The following GPR158 variants were observed in gnomAD, a reference collection of about 807,000 sequenced individuals.
GPR158 encodes metabotropic glycine receptor.
Under a neutral mutation model 78.2 loss-of-function variants are expected in GPR158, and 30 were observed. That is an observed-to-expected ratio of 0.38 (90% CI 0.29 to 0.52). The LOEUF is 0.52. GPR158 is among the 20% of genes least tolerant of loss of function. The pLI, the probability that GPR158 is intolerant of heterozygous loss-of-function variation, is 0.83. For missense variants in GPR158, 1,463 were observed against 1,523.5 expected (o/e 0.96, Z 0.66); for synonymous variants, 581 against 591.1 (o/e 0.98, Z 0.25).
intron 2 of GPR158, among the ~76,000 whole-genome samples, chr10:25,370,789 T>A (rs12249897): frequency 0.64 from 93,482 of 146,414 alleles, 30,887 homozygotes; most frequent in Non-Finnish European, 0.72. Flanking sequence ...CCCATTGTTA[T>A]TGTGTGGGAG....
chr10:25,423,123 A>ATATATGTATATACATATACATATATATG (rs1386867992), intron 4 of GPR158, among the ~76,000 whole-genome samples: 1 of 128,944 alleles, frequency 7.8e-6, no homozygotes, highest in Admixed American at 7.6e-5. Flanking sequence ...ATATATACAT[A>ATATATGTATATACATATACATATATATG]TATATGTATA....
intron 2 of GPR158, among the ~76,000 whole-genome samples, chr10:25,224,344 A>C (rs187838976): frequency 6.6e-6 from 1 of 151,928 alleles, no homozygotes; most frequent in African/African-American, 2.4e-5. Flanking sequence ...CCATTAGTAA[A>C]TACCTTTTAA....
chr10:25,425,554 G>A (rs937052030), intron 4 of GPR158, among the ~76,000 whole-genome samples: 1 of 151,334 alleles, frequency 6.6e-6, no homozygotes, highest in African/African-American at 2.4e-5. Context: ...GTAAATATAT[G>A]GTACTTAAAC....
Position 25,599,002 on chromosome 10 carries a change from G to A in GPR158, c.3376G>A (p.Ala1126Thr). The change falls in exon 11 of 11, where the codon GCA becomes ACA. Residue 1126 changes from alanine to threonine, a missense_variant. Coordinates refer to ENST00000376351, the MANE Select transcript of GPR158 (RefSeq NM_020752.3). ...CGAAGAACTGCCCCCCAAAGCTGTA[G>A]CATCAAAAACAGAGAATGAAAATCT... ...QSEELPPKAV[A>T]SKTENENLNQ... The A allele has an allele frequency of 2.5e-6, 4 of 1,614,146 alleles. No homozygotes were observed. The highest frequency in any genetic ancestry group is 3.4e-6 in the Non-Finnish European group (4 of 1,180,028).
At chr10:25,464,145 TAAG>T (rs1426443250) in intron 4 of GPR158, among the ~76,000 whole-genome samples, 1 of 152,220 alleles carries the variant, frequency 6.6e-6, no homozygotes, top group Non-Finnish European at 1.5e-5. Flanking sequence ...AGTGAACTCC[TAAG>T]AAGATTATTC....
chr10:25,369,867 G>A (rs1216404294), intron 2 of GPR158, among the ~76,000 whole-genome samples: 2 of 151,908 alleles, frequency 1.3e-5, no homozygotes, highest in Non-Finnish European at 2.9e-5. Context: ...GTCTATTCAG[G>A]ATTCAACTTC....
chr10:25,208,415 T>C (rs975869983), intron 1 of GPR158, among the ~76,000 whole-genome samples: 7 of 152,230 alleles, frequency 4.6e-5, no homozygotes, highest in Admixed American at 1.3e-4. Flanking sequence ...AAATAAATGA[T>C]GGTATTCAAG....
intron 4 of GPR158, among the ~76,000 whole-genome samples, chr10:25,443,529 T>C (rs1323006821): frequency 1.4e-5 from 2 of 144,850 alleles, no homozygotes; most frequent in South Asian, 4.5e-4. Context: ...CACTCCAGCC[T>C]GGGCGACAGA....
intron 1 of GPR158, among the ~76,000 whole-genome samples, chr10:25,209,270 A>C (rs956096863): frequency 1.3e-5 from 2 of 152,282 alleles, no homozygotes; most frequent in Non-Finnish European, 2.9e-5. Context: ...GTACCACTCT[A>C]TCTCTTCCTC....
intron 2 of GPR158, among the ~76,000 whole-genome samples, chr10:25,291,766 AT>A (rs1411722717): frequency 6.7e-6 from 1 of 150,212 alleles, no homozygotes; most frequent in Non-Finnish European, 1.5e-5. Flanking sequence ...AGAGACTAAA[AT>A]TACAAGGGAA....
At chr10:25,420,517 C>T (rs567020528) in intron 4 of GPR158, among the ~76,000 whole-genome samples, 1 of 152,184 alleles carries the variant, frequency 6.6e-6, no homozygotes, top group South Asian at 2.1e-4. Flanking sequence ...CTTTTGGTGT[C>T]ATATGCAAGA....
chr10:25,586,425 G>A lies in GPR158; in HGVS notation c.1754-2582G>A, dbSNP rs1271099182. 2.4e-4 allele frequency among the ~76,000 whole-genome samples: 29 copies of A among 122,562 alleles called. No individual in the cohort carries two copies. In the East Asian group the frequency reaches 5.9e-3, roughly 25 times the overall value. 80.4% of individuals were successfully genotyped at this position (122,562 alleles called of 152,430 possible). ...TTTTTTTTTTTTTTTTTTTTTTGAG[G>A]CAGAGTCTCACTCTGTCACCCAGGC... On this transcript the variant is annotated intron_variant, in intron 7 of 10. Coordinates refer to ENST00000376351, the MANE Select transcript of GPR158 (RefSeq NM_020752.3).
intron 5 of GPR158, among the ~76,000 whole-genome samples, chr10:25,486,179 A>C (rs963953736): frequency 1.2e-4 from 19 of 152,170 alleles, no homozygotes; most frequent in African/African-American, 4.3e-4. Context: ...TCATATAAAC[A>C]TGATTAATTC....
intron 2 of GPR158, among the ~76,000 whole-genome samples, chr10:25,351,432 G>GT (rs1186485461): frequency 1.5e-5 from 2 of 132,648 alleles, no homozygotes; most frequent in African/African-American, 2.5e-5. Flanking sequence ...AGTTGGGGGT[G>GT]GGGGGGTGCT....
chr10:25,519,329 T>C (rs1339819838), intron 5 of GPR158, among the ~76,000 whole-genome samples: 41 of 141,396 alleles, frequency 2.9e-4, no homozygotes, highest in African/African-American at 1.1e-3. Flanking sequence ...CTTTATCCAA[T>C]TTGCCAGTCT....
intron 2 of GPR158, among the ~76,000 whole-genome samples, chr10:25,312,018 T>C (rs936239733): frequency 2.5e-4 from 38 of 152,170 alleles, no homozygotes; most frequent in African/African-American, 9.1e-4. Context: ...ATATTTATTT[T>C]GGTCAAACTA....
intron 1 of GPR158, among the ~76,000 whole-genome samples, chr10:25,216,905 T>C (rs983865788): frequency 6.6e-6 from 1 of 152,148 alleles, no homozygotes; most frequent in Admixed American, 6.5e-5. Context: ...ATGACAGTGG[T>C]TGGAGAAGTT....
At position 25,402,789 on chromosome 10, in the gene GPR158, A is replaced by C. The variant is rs142514811; in HGVS notation, c.1111+6776A>C. On this transcript the variant is annotated intron_variant, in intron 3 of 10. Coordinates refer to ENST00000376351, the MANE Select transcript of GPR158 (RefSeq NM_020752.3). ...ATCTAACTTTCAGAATATCTGTTTA[A>C]ATTCAAAGGACTTAAATATTTCAAT... 5.4e-3 allele frequency among the ~76,000 whole-genome samples: 822 copies of C among 152,082 alleles called. 9 individuals carry two copies. The highest frequency in any genetic ancestry group is 0.019 in the African/African-American group (794 of 41,542).
intron 2 of GPR158, among the ~76,000 whole-genome samples, chr10:25,316,417 A>G (rs1219320419): frequency 6.6e-6 from 1 of 152,186 alleles, no homozygotes; most frequent in Non-Finnish European, 1.5e-5. Flanking sequence ...ATGTTCTAAC[A>G]ACTTGGTGAC....
Sources: allele counts gnomAD v4.1 joint callset (sites outside exome capture counted in the v4.1 genomes callset), GRCh38; gene constraint gnomAD v4.1.1; transcripts MANE v1.5; gene names NCBI Gene and HGNC (gene_info 2026-07-23, HGNC 2026-07-21).